GALNT17: variants seen among roughly 807,000 people sequenced by gnomAD.
GALNT17 encodes the protein polypeptide N-acetylgalactosaminyltransferase 17, also known as UDP-GalNAc:polypeptide N-acetylgalactosaminyltransferase-like 3.
GALNT17 carries 29 observed loss-of-function variants against 63.7 expected under a neutral mutation model. That is an observed-to-expected ratio of 0.46 (90% CI 0.34 to 0.62). The LOEUF (loss-of-function observed/expected upper bound fraction) is 0.62. Ranked by LOEUF, GALNT17 falls within the 20% of genes least tolerant of loss-of-function variation. The pLI, the probability that GALNT17 is intolerant of heterozygous loss-of-function variation, is 0.01. For synonymous variants in GALNT17, 305 were observed against 318.3 expected, an observed-to-expected ratio of 0.96 and a Z score of 0.45; for missense variants, 603 against 799.6, an observed-to-expected ratio of 0.75 and a Z score of 2.97.
intron 9 of GALNT17, among the ~76,000 whole-genome samples, chr7:71,694,226 A>T (rs1476961608): frequency 6.6e-6 from 1 of 152,038 alleles, no homozygotes; most frequent in South Asian, 2.1e-4. Flanking sequence ...TGTTTCAATT[A>T]CCTCCCACTT....
chr7:71,687,418 G>A (rs566254855), intron 9 of GALNT17, among the ~76,000 whole-genome samples: 10 of 152,260 alleles, frequency 6.6e-5, no homozygotes, highest in East Asian at 1.9e-4. Context: ...GGTCGTCGTC[G>A]GAAAACACAG....
intron 5 of GALNT17, among the ~76,000 whole-genome samples, chr7:71,533,771 C>T (rs1788757305): frequency 1.3e-5 from 2 of 152,140 alleles, no homozygotes; most frequent in South Asian, 4.1e-4. Context: ...CCAGGGAAGA[C>T]AGCTGTAACA....
intron 1 of GALNT17, among the ~76,000 whole-genome samples, chr7:71,140,101 C>T (rs892991599): frequency 6.6e-6 from 1 of 152,198 alleles, no homozygotes; most frequent in African/African-American, 2.4e-5. Flanking sequence ...TGTTATATTT[C>T]TTCTTTCTTG....
At chr7:71,154,048 C>T (rs1271993360) in intron 1 of GALNT17, among the ~76,000 whole-genome samples, 1 of 152,192 alleles carries the variant, frequency 6.6e-6, no homozygotes, top group Non-Finnish European at 1.5e-5. Context: ...TGACTTGCTT[C>T]TAGTGATCGA....
chr7:71,282,452 G>A (rs567969039), intron 1 of GALNT17, among the ~76,000 whole-genome samples: 1 of 152,212 alleles, frequency 6.6e-6, no homozygotes, highest in African/African-American at 2.4e-5. Context: ...CTTTGCCCCC[G>A]CAAGGCTAGC....
chr7:71,587,581 T>A (rs1789738361), intron 6 of GALNT17, among the ~76,000 whole-genome samples: 1 of 152,202 alleles, frequency 6.6e-6, no homozygotes, highest in Non-Finnish European at 1.5e-5. Flanking sequence ...GTTCATTTTC[T>A]TATGTATTTT....
rs145463851 is a variant in GALNT17 at position 71,654,541 on chromosome 7, A to G, written c.1081-10870A>G. 7.4e-3 allele frequency among the ~76,000 whole-genome samples: 1,122 copies of G among 152,352 alleles called. 38 individuals carry two copies. Among genetic ancestry groups the G allele is most frequent in the Admixed American group, 0.065 (990 of 15,304 alleles). ...TAATCCCAGAGTTAGTTTCAAAACT[A>G]TGTGATTGCTGCTTTGCATTGTATA... On this transcript the variant is annotated intron_variant, in intron 6 of 10. Transcript: ENST00000333538.
intron 8 of GALNT17, 49 bp downstream of exon 8, chr7:71,670,158 T>C (rs761420577): frequency 1.2e-6 from 2 of 1,611,278 alleles, no homozygotes; most frequent in South Asian, 2.2e-5. Context: ...TTCAATATGC[T>C]GTGGGTTGCT....
At chr7:71,583,788 G>C (rs938754689) in intron 6 of GALNT17, among the ~76,000 whole-genome samples, 5 of 151,606 alleles carry the variant, frequency 3.3e-5, no homozygotes, top group Admixed American at 2.6e-4. Context: ...TTCCTCAAGA[G>C]ACCTTCCAAA....
chr7:71,317,148 A>G (rs1195627434), intron 1 of GALNT17, among the ~76,000 whole-genome samples: 1 of 152,124 alleles, frequency 6.6e-6, no homozygotes, highest in East Asian at 1.9e-4. Context: ...ATTTACCCCC[A>G]ACGTGCCTGC....
intron 1 of GALNT17, among the ~76,000 whole-genome samples, chr7:71,230,473 T>C (rs940566148): frequency 6.6e-6 from 1 of 152,096 alleles, no homozygotes; most frequent in Non-Finnish European, 1.5e-5. Flanking sequence ...TTTCTCTTCT[T>C]TTCCACGCAC....
At chr7:71,330,628 C>T (rs967314098) in intron 1 of GALNT17, among the ~76,000 whole-genome samples, 3 of 152,062 alleles carry the variant, frequency 2.0e-5, no homozygotes, top group Admixed American at 6.5e-5. Flanking sequence ...TCTCCAACTC[C>T]TGGGCTCAAG....
intron 1 of GALNT17, among the ~76,000 whole-genome samples, chr7:71,333,720 CG>C (rs1481366932): frequency 1.3e-5 from 2 of 152,034 alleles, no homozygotes; most frequent in African/African-American, 4.8e-5. Context: ...AGGCTGGTCT[CG>C]AACTCCTCAG....
chr7:71,592,223 T>C (rs1789812954), intron 6 of GALNT17, among the ~76,000 whole-genome samples: 1 of 151,940 alleles, frequency 6.6e-6, no homozygotes, highest in South Asian at 2.1e-4. Context: ...AGAGGAAAAA[T>C]GATGGACCAG....
intron 1 of GALNT17, among the ~76,000 whole-genome samples, chr7:71,263,670 T>A (rs1341029583): frequency 2.0e-5 from 3 of 152,008 alleles, no homozygotes; most frequent in African/African-American, 7.2e-5. Flanking sequence ...ATGCCTGTAA[T>A]CCCAGCACTT....
chr7:71,468,319 C>T (rs1210984689), intron 5 of GALNT17, among the ~76,000 whole-genome samples: 1 of 150,848 alleles, frequency 6.6e-6, no homozygotes. Flanking sequence ...TAGGAGCCAT[C>T]ACACCCAGTC....
intron 1 of GALNT17, among the ~76,000 whole-genome samples, chr7:71,225,119 C>T (rs1789657989): frequency 6.6e-6 from 1 of 152,106 alleles, no homozygotes; most frequent in South Asian, 2.1e-4. Context: ...CAGGTGCATG[C>T]CACCACACTC....
At chr7:71,638,913 G>T (rs1162447881) in intron 6 of GALNT17, among the ~76,000 whole-genome samples, 2 of 152,292 alleles carry the variant, frequency 1.3e-5, no homozygotes, top group Non-Finnish European at 2.9e-5. Flanking sequence ...CAGAGAGTAG[G>T]ATGGTTATCA....
At chr7:71,413,746 C>A (rs1267483161) in intron 3 of GALNT17, among the ~76,000 whole-genome samples, 1 of 152,142 alleles carries the variant, frequency 6.6e-6, no homozygotes, top group Non-Finnish European at 1.5e-5. Context: ...CAGAGCACAA[C>A]TCAGTATCTT....
Sources: gnomAD v4.1 joint callset for allele counts (sites outside exome capture counted in the v4.1 genomes callset) on GRCh38, gnomAD v4.1.1 for gene constraint, MANE v1.5 for transcripts, NCBI Gene and HGNC (gene_info 2026-07-23, HGNC 2026-07-21) for gene names.